The following ANO6 variants were observed in gnomAD, a reference collection of about 807,000 sequenced individuals.
ANO6 encodes the protein anoctamin 6, also known as anoctamin-6.
In ANO6, 106 loss-of-function variants were observed where a neutral mutation model predicts 117.5. The ratio of observed to expected loss-of-function variants is 0.90; its 90% CI spans 0.77 to 1.06. The LOEUF (loss-of-function observed/expected upper bound fraction) is 1.06. Among genes scored for constraint, ANO6 ranks in the 50% least tolerant of loss-of-function variants. The pLI, the probability that ANO6 is intolerant of heterozygous loss-of-function variation, is 0.00. For synonymous variants in ANO6, 367 were observed against 385.1 expected (o/e 0.95, Z 0.55); for missense variants, 955 against 1,121.1 (o/e 0.85, Z 2.12).
intron 1 of ANO6, among the ~76,000 whole-genome samples, chr12:45,283,920 G>A (rs1489563537): frequency 6.6e-6 from 1 of 152,150 alleles, no homozygotes; most frequent in Non-Finnish European, 1.5e-5. Context: ...ATAAGGACAT[G>A]GTTTAGGGGT....
At chr12:45,308,048 ATTTTTTT>A (rs1218638312) in intron 2 of ANO6, among the ~76,000 whole-genome samples, 10 of 69,306 alleles carry the variant, frequency 1.4e-4, no homozygotes, top group East Asian at 5.1e-4. Context: ...TGTGTGTGTA[ATTTTTTT>A]TTTTTTTTTT....
intron 9 of ANO6, among the ~76,000 whole-genome samples, chr12:45,376,944 A>G (rs1477423036): frequency 6.6e-6 from 1 of 152,152 alleles, no homozygotes; most frequent in Non-Finnish European, 1.5e-5. Context: ...TTCTCATCAC[A>G]ATCAATGTGG....
At chr12:45,263,932 A>C (rs1004141216) in intron 1 of ANO6, among the ~76,000 whole-genome samples, 2 of 152,054 alleles carry the variant, frequency 1.3e-5, no homozygotes, top group Non-Finnish European at 2.9e-5. Context: ...TCCCCTTTAA[A>C]CGTATCTGTT....
chr12:45,253,818 C>T (rs532975176), intron 1 of ANO6, among the ~76,000 whole-genome samples: 5 of 152,150 alleles, frequency 3.3e-5, no homozygotes, highest in Admixed American at 6.5e-5. Flanking sequence ...GTTTGGTTTA[C>T]GCTTTAGGTT....
In ANO6 at chr12:45,402,002, A is replaced by G. The variant is rs1018547470; in HGVS notation, c.1594A>G (p.Ile532Val). 6.2e-7 allele frequency: 1 copy of G among 1,613,888 alleles called. No homozygotes were observed. The highest frequency in any genetic ancestry group is 8.5e-7 in the Non-Finnish European group (1 of 1,179,876). ...GAACACCATATATGAAAAAGTGGCA[A>G]TTATGATTACTAACTTCGGTAAGGT... Reference protein sequence around the residue: ...ILNTIYEKVAIMITNFELPRT... With the variant: ...ILNTIYEKVAVMITNFELPRT... The change falls in exon 13 of 20, where the codon ATT becomes GTT. Residue 532 changes from isoleucine (I) to valine (V), a missense_variant. Coordinates refer to ENST00000320560, the MANE Select transcript of ANO6 (RefSeq NM_001025356.3).
Position 45,264,724 on chromosome 12 carries a change from A to C in ANO6, c.71-37290A>C, listed in dbSNP as rs186469579. ...TGGTACAGTAAATCTTGCTTCTAAGATCAAATATACAAAAAAAGTTAGCAT... is the reference window on the plus strand; with the variant it reads ...TGGTACAGTAAATCTTGCTTCTAAGCTCAAATATACAAAAAAAGTTAGCAT... On this transcript the variant is annotated intron_variant, in intron 1 of 19. Transcript: ENST00000320560. Among the ~76,000 whole-genome samples, 838 of 152,326 alleles carry C rather than the reference A, an allele frequency of 5.5e-3. 3 individuals carry two copies. The highest frequency in any genetic ancestry group is 0.027 in the Middle Eastern group (8 of 294).
intron 2 of ANO6, among the ~76,000 whole-genome samples, chr12:45,322,287 A>G (rs1202788959): frequency 4.3e-5 from 1 of 23,484 alleles, no homozygotes; most frequent in Admixed American, 5.5e-4. Context: ...GAGAGTTAAG[A>G]TTTGGATAGG....
intron 1 of ANO6, among the ~76,000 whole-genome samples, chr12:45,257,714 CA>C (rs1159628511): frequency 6.6e-6 from 1 of 152,188 alleles, no homozygotes; most frequent in Non-Finnish European, 1.5e-5. Flanking sequence ...GTTTGTGTTT[CA>C]GCCTTCCAAT....
chr12:45,428,277 A>G (rs1383704709), intron 19 of ANO6, among the ~76,000 whole-genome samples: 1 of 152,238 alleles, frequency 6.6e-6, no homozygotes, highest in Admixed American at 6.5e-5. Context: ...AGTGAAAATT[A>G]GTGGACTAGT....
At chr12:45,438,856 A>G (rs1943738052) in intron 19 of ANO6, among the ~76,000 whole-genome samples, 1 of 152,176 alleles carries the variant, frequency 6.6e-6, no homozygotes, top group Admixed American at 6.5e-5. Context: ...TAATTCCATT[A>G]AAGATATTTC....
Position 45,397,941 on chromosome 12 carries a change from C to A in ANO6, c.1387-3854C>A, listed in dbSNP as rs532892916. On this transcript the variant is annotated intron_variant, in intron 12 of 19. Transcript: ENST00000320560. ...GGCACGTGTATACCTATGTGTCAAA[C>A]CTGCACGTTGTGCACGTGTACCCTA... 5.9e-5 allele frequency among the ~76,000 whole-genome samples: 9 copies of A among 151,612 alleles called. No individual in the cohort carries two copies. In the South Asian group the frequency reaches 1.7e-3, roughly 28 times the overall value.
At chr12:45,344,975 C>T (rs527620129) in intron 3 of ANO6, among the ~76,000 whole-genome samples, 17 of 152,100 alleles carry the variant, frequency 1.1e-4, no homozygotes, top group South Asian at 2.1e-4. Context: ...TTTTGGGGAG[C>T]GGAGTAGGAA....
rs544059369 is a variant in ANO6, at chr12:45,410,056, A to T, written c.2011+569A>T. On this transcript the variant is annotated intron_variant, in intron 16 of 19. Transcript: ENST00000320560. ...CACGCATAAGCCACTGGGCCCGGCC[A>T]TCTTTACCACGAATTCTTAAAGCAT... Among the ~76,000 whole-genome samples, 4 of 152,272 alleles carry T rather than the reference A, an allele frequency of 2.6e-5. No homozygotes were observed. In the East Asian group the frequency reaches 7.7e-4, roughly 29 times the overall value.
chr12:45,413,672 C>A (rs73281594), intron 16 of ANO6, among the ~76,000 whole-genome samples: 2,038 of 152,238 alleles, frequency 0.013, 40 homozygotes, highest in African/African-American at 0.047. Flanking sequence ...AGAAGTCTAG[C>A]AGAGTTGTGT....
chr12:45,275,315 G>C (rs1215345914), intron 1 of ANO6, among the ~76,000 whole-genome samples: 2 of 152,022 alleles, frequency 1.3e-5, no homozygotes, highest in Non-Finnish European at 2.9e-5. Flanking sequence ...GGTTCAAGCA[G>C]TTCCCTGCCT....
Position 45,429,636 on chromosome 12 carries a change from G to A in ANO6, c.*325G>A. The A allele has an allele frequency of 3.5e-6, 4 of 1,158,284 alleles. No homozygotes were observed. Among genetic ancestry groups the A allele is most frequent in the Non-Finnish European group, 4.3e-6 (4 of 933,772 alleles). The allele number at this position is 1,158,284 out of a possible 1,614,324, so 71.8% of individuals were successfully genotyped here. On this transcript the variant is annotated 3_prime_UTR_variant, in exon 20 of 20. Transcript: ENST00000320560. ...AGAATGGATTCTTTTTTTTCTGTTT[G>A]ATTATTTTCATTTCTGTCTATTCTC...
chr12:45,436,249 G>T (rs540026431), downstream of ANO6, among the ~76,000 whole-genome samples: 5 of 152,258 alleles, frequency 3.3e-5, no homozygotes, highest in South Asian at 1.0e-3. Context: ...CATGCCAGCA[G>T]CCACCAATCA....
At chr12:45,351,681 G>T (rs1233136662) in intron 7 of ANO6, among the ~76,000 whole-genome samples, 1 of 152,062 alleles carries the variant, frequency 6.6e-6, no homozygotes, top group African/African-American at 2.4e-5. Flanking sequence ...TAGGAATAGG[G>T]GCAGCTTGTA....
chr12:45,257,409 T>G (rs1482560161), intron 1 of ANO6, among the ~76,000 whole-genome samples: 1 of 152,188 alleles, frequency 6.6e-6, no homozygotes, highest in African/African-American at 2.4e-5. Context: ...GCACTCAGCA[T>G]AGAGTAGGCA....
Sources: allele counts gnomAD v4.1 joint callset (sites outside exome capture counted in the v4.1 genomes callset), GRCh38; gene constraint gnomAD v4.1.1; transcripts MANE v1.5; gene names NCBI Gene and HGNC (gene_info 2026-07-23, HGNC 2026-07-21).